Variants in NEK1 observed in about 807,000 individuals in gnomAD.
NEK1 encodes the protein serine/threonine-protein kinase Nek1.
A neutral mutation model predicts 182.1 loss-of-function variants in NEK1; 137 were observed. That is an observed-to-expected ratio of 0.75 (90% CI 0.65 to 0.87). The LOEUF (loss-of-function observed/expected upper bound fraction) is 0.87, where lower values mean the gene tolerates loss of function less well. Among genes scored for constraint, NEK1 ranks in the 40% least tolerant of loss-of-function variants. The pLI is 0.00. For missense variants in NEK1, 1,391 were observed against 1,494.4 expected, an observed-to-expected ratio of 0.93 and a Z score of 1.14; for synonymous variants, 513 against 492.2, an observed-to-expected ratio of 1.04 and a Z score of -0.56.
At chr4:169,488,523 T>C (rs2149595498) in intron 23 of NEK1, among the ~76,000 whole-genome samples, 1 of 152,306 alleles carries the variant, frequency 6.6e-6, no homozygotes, top group Admixed American at 6.5e-5. Flanking sequence ...TTCTCTTCCA[T>C]TGTTCTATGT....
At chr4:169,563,291 G>A (rs560768723) in intron 12 of NEK1, among the ~76,000 whole-genome samples, 4 of 151,642 alleles carry the variant, frequency 2.6e-5, no homozygotes, top group Non-Finnish European at 2.9e-5. Context: ...AGCCCAGGAG[G>A]TAGAGGCTAC....
At chr4:169,563,551 CTA>C (rs1292186028) in intron 12 of NEK1, among the ~76,000 whole-genome samples, 1 of 152,062 alleles carries the variant, frequency 6.6e-6, no homozygotes, top group Admixed American at 6.5e-5. Flanking sequence ...TACGATATGT[CTA>C]TGTTTTCTCT....
intron 18 of NEK1, among the ~76,000 whole-genome samples, chr4:169,542,892 T>A (rs1759702525): frequency 1.3e-5 from 2 of 152,204 alleles, no homozygotes; most frequent in Admixed American, 6.5e-5. Flanking sequence ...TATTAGCCCT[T>A]TGTCAGATGA....
intron 18 of NEK1, among the ~76,000 whole-genome samples, chr4:169,543,569 C>T (rs1342367191): frequency 6.6e-6 from 1 of 152,174 alleles, no homozygotes; most frequent in Non-Finnish European, 1.5e-5. Context: ...CTATAAATTA[C>T]TTTGGGCAGT....
intron 5 of NEK1, among the ~76,000 whole-genome samples, chr4:169,591,150 C>A (rs1228526658): frequency 9.5e-5 from 14 of 147,202 alleles, no homozygotes; most frequent in Non-Finnish European, 1.3e-4. Context: ...TAACGCCCCC[C>A]CCCCACTTCT....
intron 21 of NEK1, 104 bp from the exon 22 acceptor site, chr4:169,507,896 A>G: frequency 1.1e-6 from 1 of 888,158 alleles, no homozygotes. Context: ...TAAAAATATA[A>G]AATGGAAATC....
chr4:169,412,349 C>A (rs1486361573), intron 31 of NEK1, among the ~76,000 whole-genome samples: 4 of 152,124 alleles, frequency 2.6e-5, no homozygotes, highest in Admixed American at 2.0e-4. Flanking sequence ...CCTGTCCTAC[C>A]TTTGTTTCTT....
intron 12 of NEK1, among the ~76,000 whole-genome samples, chr4:169,565,083 T>G (rs1310094426): frequency 6.6e-6 from 1 of 152,222 alleles, no homozygotes; most frequent in African/African-American, 2.4e-5. Context: ...GCTAGTTATT[T>G]CAATTCAACT....
chr4:169,585,718 T>C (rs1279118464), intron 9 of NEK1, among the ~76,000 whole-genome samples, 169 bp from the exon 10 acceptor site: 1 of 152,194 alleles, frequency 6.6e-6, no homozygotes, highest in Non-Finnish European at 1.5e-5. Context: ...TATCTGTAAA[T>C]TAATATCAGC....
intron 29 of NEK1, among the ~76,000 whole-genome samples, chr4:169,429,302 G>GGAAT (rs1736993392): frequency 6.6e-6 from 1 of 152,020 alleles, no homozygotes; most frequent in Non-Finnish European, 1.5e-5. Flanking sequence ...TGACTCTCCT[G>GGAAT]GAATGAATAT....
chr4:169,606,646 G>C (rs957297148), intron 2 of NEK1, among the ~76,000 whole-genome samples: 1 of 152,270 alleles, frequency 6.6e-6, no homozygotes, highest in African/African-American at 2.4e-5. Flanking sequence ...CTTGAAAGAA[G>C]ACCACAGATA....
At chr4:169,521,567 C>T (rs1756056354) in intron 19 of NEK1, among the ~76,000 whole-genome samples, 1 of 152,202 alleles carries the variant, frequency 6.6e-6, no homozygotes, top group Non-Finnish European at 1.5e-5. Flanking sequence ...TCTTTTGTTA[C>T]CTTGTCTCTT....
intron 31 of NEK1, among the ~76,000 whole-genome samples, chr4:169,422,426 A>G (rs1735647377): frequency 6.6e-6 from 1 of 152,188 alleles, no homozygotes; most frequent in Non-Finnish European, 1.5e-5. Context: ...GGCAAAATTA[A>G]TGGAGTCAGT....
intron 7 of NEK1, 101 bp downstream of exon 7, chr4:169,589,346 G>C (rs767715410): frequency 6.8e-6 from 5 of 734,132 alleles, no homozygotes; most frequent in South Asian, 5.1e-5. Context: ...TCCCAGTAAA[G>C]AATGTACTTA....
intron 19 of NEK1, among the ~76,000 whole-genome samples, chr4:169,529,196 T>C (rs1757320271): frequency 6.6e-6 from 1 of 152,138 alleles, no homozygotes; most frequent in Non-Finnish European, 1.5e-5. Flanking sequence ...TGTTTTAAGT[T>C]GCTACCTCAA....
chr4:169,575,169 A>G (rs1765500146), intron 12 of NEK1, among the ~76,000 whole-genome samples: 1 of 152,176 alleles, frequency 6.6e-6, no homozygotes, highest in South Asian at 2.1e-4. Context: ...AGATAAAACG[A>G]TAAGATGGAA....
chr4:169,479,433 A>G lies in NEK1; in HGVS notation c.2109T>C (p.Ser703=). ...PSKQQMRSVI[S]VTSALKEVGV... ...CAACTTCTTTCAAAGCTGAAGTTACAGAAATAACAGATCTCATCTGTTGCT... is the reference window on the plus strand; with the variant it reads ...CAACTTCTTTCAAAGCTGAAGTTACGGAAATAACAGATCTCATCTGTTGCT... The change falls in exon 24 of 36, where the codon TCT becomes TCC. Residue 703 remains serine (S), a synonymous_variant. Coordinates refer to ENST00000507142, the MANE Select transcript of NEK1 (RefSeq NM_001199397.3). The G allele has an allele frequency of 6.2e-7, 1 of 1,611,548 alleles. No homozygotes were observed. The highest frequency in any genetic ancestry group is 8.5e-7 in the Non-Finnish European group (1 of 1,178,876).
At chr4:169,439,984 T>C (rs1005017990) in intron 27 of NEK1, among the ~76,000 whole-genome samples, 1 of 151,374 alleles carries the variant, frequency 6.6e-6, no homozygotes, top group African/African-American at 2.4e-5. Context: ...GTAGCTGGGA[T>C]TACAGGCGCA....
intron 12 of NEK1, among the ~76,000 whole-genome samples, chr4:169,571,759 T>C (rs1414173167): frequency 2.0e-5 from 3 of 152,042 alleles, no homozygotes; most frequent in Non-Finnish European, 4.4e-5. Context: ...AAACCAAGTC[T>C]CACTCTGTCT....
Sources: gnomAD v4.1 joint callset for allele counts (sites outside exome capture counted in the v4.1 genomes callset) on GRCh38, gnomAD v4.1.1 for gene constraint, MANE v1.5 for transcripts, NCBI Gene and HGNC (gene_info 2026-07-23, HGNC 2026-07-21) for gene names.